Variants in UTRN observed in about 807,000 individuals in gnomAD.
The protein encoded by UTRN is dystrophin-related protein 1.
Under a neutral mutation model 463.9 loss-of-function variants are expected in UTRN, and 283 were observed. That is an observed-to-expected ratio of 0.61 (90% CI 0.55 to 0.67). The LOEUF is 0.67. Among genes scored for constraint, UTRN ranks in the 30% least tolerant of loss-of-function variants. The pLI, the probability that UTRN is intolerant of heterozygous loss-of-function variation, is 0.00. For synonymous variants in UTRN, 1,442 were observed against 1,431.5 expected (o/e 1.01, Z -0.17); for missense variants, 3,922 against 4,084.3 (o/e 0.96, Z 1.08).
At chr6:144,723,728 G>A (rs1241975881) in intron 53 of UTRN, among the ~76,000 whole-genome samples, 1 of 152,090 alleles carries the variant, frequency 6.6e-6, no homozygotes, top group African/African-American at 2.4e-5. Flanking sequence ...TAGGCTGGGT[G>A]CAGTGGCTTA....
At chr6:144,416,455 CAT>C (rs1562366268) in intron 3 of UTRN, among the ~76,000 whole-genome samples, 1 of 152,166 alleles carries the variant, frequency 6.6e-6, no homozygotes, top group African/African-American at 2.4e-5. Flanking sequence ...GCTTCCCTCA[CAT>C]GTGTCATCAC....
intron 52 of UTRN, among the ~76,000 whole-genome samples, chr6:144,691,593 C>T (rs1297461516): frequency 6.6e-6 from 1 of 152,122 alleles, no homozygotes; most frequent in East Asian, 1.9e-4. Context: ...GTTTGGAGCC[C>T]ATCATAAGAT....
chr6:144,444,401 TA>T lies in UTRN; in HGVS notation c.1614+21del, dbSNP rs1171329304. ...AGAACAGGTATGAAACTGTTTTCCATAAGGGGCAAAATAAATGGTGAAAAGT... is the reference window on the plus strand; with the variant it reads ...AGAACAGGTATGAAACTGTTTTCCATAGGGGCAAAATAAATGGTGAAAAGT... On this transcript the variant is annotated intron_variant, in intron 14 of 74. Coordinates refer to ENST00000367545, the MANE Select transcript of UTRN (RefSeq NM_007124.3). 10 of 1,582,230 alleles carry T rather than the reference TA, an allele frequency of 6.3e-6. No homozygotes were observed. The highest frequency in any genetic ancestry group is 8.6e-6 in the Non-Finnish European group (10 of 1,160,380).
In UTRN at chr6:144,286,817, C is replaced by T. The variant is rs1803709604; in HGVS notation, c.-93+996C>T. On this transcript the variant is annotated intron_variant, in intron 1 of 74. Transcript: ENST00000367545. This position sits in a 1 kb window ranked among gnomAD's most constrained non-coding sequence, Gnocchi z 4.4. ...CAGCACTTTATTTTACAAGGAACTG[C>T]AGAGCTCGGGTTCTAACTCCACGGC... Among the ~76,000 whole-genome samples, 1 of 152,038 alleles carries T rather than the reference C, an allele frequency of 6.6e-6. No individual in the cohort carries two copies. Among genetic ancestry groups the T allele is most frequent in the African/African-American group, 2.4e-5 (1 of 41,376 alleles).
chr6:144,612,741 AT>A (rs1805656997), intron 51 of UTRN, among the ~76,000 whole-genome samples: 1 of 152,118 alleles, frequency 6.6e-6, no homozygotes, highest in Admixed American at 6.5e-5. Flanking sequence ...AAAAGAACTC[AT>A]ATATTGTGAG....
intron 9 of UTRN, among the ~76,000 whole-genome samples, chr6:144,432,528 G>C (rs374430758): frequency 8.5e-5 from 13 of 152,334 alleles, no homozygotes; most frequent in African/African-American, 2.9e-4. Flanking sequence ...TCTGGCTGCT[G>C]TGTGAGAAAT....
chr6:144,636,566 G>A (rs1777199456), intron 51 of UTRN, among the ~76,000 whole-genome samples: 1 of 152,086 alleles, frequency 6.6e-6, no homozygotes, highest in South Asian at 2.1e-4. Flanking sequence ...GTTTTAAGCT[G>A]GTTTCTCTAA....
rs571046570 is a variant in UTRN, at chr6:144,792,662, T to G, written c.8921-1172T>G. Among the ~76,000 whole-genome samples, 15 of 152,348 alleles carry G rather than the reference T, an allele frequency of 9.8e-5. No individual in the cohort carries two copies. The South Asian group carries it at 2.5e-3, about 25-fold the overall frequency. On this transcript the variant is annotated intron_variant, in intron 62 of 74. Coordinates refer to ENST00000367545, the MANE Select transcript of UTRN (RefSeq NM_007124.3). The stretch of plus-strand genomic sequence containing the variant: ...TCCACTTTCTTCTATTCTTGGAAAA[T>G]GTCACATGAAGAGCATTTAGATTTT...
At chr6:144,291,648 A>G (rs915380179) in intron 1 of UTRN, 89 bp from the exon 2 acceptor site, 3 of 444,636 alleles carry the variant, frequency 6.7e-6, no homozygotes, top group Non-Finnish European at 1.2e-5. Context: ...CACTCAATAA[A>G]TATTTGGTGA....
intron 51 of UTRN, among the ~76,000 whole-genome samples, chr6:144,612,427 C>G (rs1489774811): frequency 6.6e-6 from 1 of 151,986 alleles, no homozygotes; most frequent in African/African-American, 2.4e-5. Flanking sequence ...AGATAACCTA[C>G]AGAAGGGGAG....
intron 2 of UTRN, among the ~76,000 whole-genome samples, chr6:144,374,296 A>G (rs1780251053): frequency 6.6e-6 from 1 of 152,168 alleles, no homozygotes; most frequent in African/African-American, 2.4e-5. Flanking sequence ...GTATAACAAA[A>G]CAAAATTAAA....
At chr6:144,740,000 C>G (rs762759354) in intron 54 of UTRN, among the ~76,000 whole-genome samples, 13 of 152,206 alleles carry the variant, frequency 8.5e-5, no homozygotes, top group Non-Finnish European at 1.8e-4. Flanking sequence ...GTGCCACACA[C>G]TGTGCCAAGA....
chr6:144,447,471 C>A, intron 15 of UTRN, 131 bp from the exon 16 acceptor site: 1 of 1,297,802 alleles, frequency 7.7e-7, no homozygotes, highest in Non-Finnish European at 1.1e-6. Context: ...ACGAGTCTTA[C>A]CTTTTAGCAT....
chr6:144,540,091 A>G (rs371014228), intron 45 of UTRN, among the ~76,000 whole-genome samples: 1 of 151,982 alleles, frequency 6.6e-6, no homozygotes, highest in Non-Finnish European at 1.5e-5. Flanking sequence ...CTGATTTTGC[A>G]CATGACTTTT....
At chr6:144,515,445 A>G (rs975212493) in intron 37 of UTRN, among the ~76,000 whole-genome samples, 5 of 152,034 alleles carry the variant, frequency 3.3e-5, no homozygotes, top group East Asian at 1.9e-4. Flanking sequence ...CACACTCTAT[A>G]TATGTCTTCA....
At chr6:144,820,858 G>A in intron 65 of UTRN, 24 bp from the exon 66 acceptor site, 1 of 1,605,168 alleles carries the variant, frequency 6.2e-7, no homozygotes, top group Non-Finnish European at 8.5e-7. Context: ...ACTGAGAGAA[G>A]TGTAATTGTT....
At chr6:144,424,548 T>C (rs1047906336) in intron 6 of UTRN, among the ~76,000 whole-genome samples, 1 of 152,188 alleles carries the variant, frequency 6.6e-6, no homozygotes, top group African/African-American at 2.4e-5. Flanking sequence ...CTTCAACATA[T>C]TAATTTTAGA....
intron 2 of UTRN, among the ~76,000 whole-genome samples, chr6:144,382,610 G>A (rs1024879540): frequency 2.0e-5 from 3 of 152,150 alleles, no homozygotes; most frequent in South Asian, 2.1e-4. Context: ...TTTAAGGGTT[G>A]CATTTTTACC....
chr6:144,846,712 A>G, intron 73 of UTRN, 93 bp from the exon 74 acceptor site: 3 of 1,535,422 alleles, frequency 2.0e-6, no homozygotes, highest in Non-Finnish European at 2.7e-6. Context: ...CCCTATGTAG[A>G]GTGATACTTT....
Sources: gnomAD v4.1 joint callset for allele counts (sites outside exome capture counted in the v4.1 genomes callset) on GRCh38, gnomAD v4.1.1 for gene constraint, Gnocchi (gnomAD v3.1) non-coding constraint, MANE v1.5 for transcripts, NCBI Gene and HGNC (gene_info 2026-07-23, HGNC 2026-07-21) for gene names.